Variants in ARMCX4 observed in about 807,000 individuals in gnomAD.
ARMCX4 encodes the protein armadillo repeat-containing X-linked protein 4.
Under a neutral mutation model 34.7 loss-of-function variants are expected in ARMCX4, and 3 were observed. The observed-to-expected ratio is 0.09, with a 90% CI of 0.04 to 0.22. The LOEUF is 0.22. Ranked by LOEUF, ARMCX4 falls within the 10% of genes least tolerant of loss-of-function variation. The pLI is 1.00. For missense variants in ARMCX4, 1,448 were observed against 1,720.8 expected (o/e 0.84, Z 2.81); for synonymous variants, 513 against 632.8 (o/e 0.81, Z 2.84).
At chrX:101,440,418 G>A (rs1274147800) in intron 2 of ARMCX4, among the ~76,000 whole-genome samples, 1 of 111,983 alleles carries the variant, frequency 8.9e-6, no homozygotes, top group Middle Eastern at 4.2e-3. Context: ...TAGGCTACTC[G>A]GGGACCAGGG....
intron 2 of ARMCX4, among the ~76,000 whole-genome samples, chrX:101,423,543 G>C (rs934447785): frequency 1.8e-5 from 2 of 109,335 alleles, no homozygotes; most frequent in Non-Finnish European, 3.8e-5. Context: ...CTTGAACCTG[G>C]GAGGCGGAGG....
At chrX:101,431,228 G>C (rs73561164) in intron 2 of ARMCX4, among the ~76,000 whole-genome samples, 1 of 111,933 alleles carries the variant, frequency 8.9e-6, no homozygotes, top group South Asian at 3.7e-4. Flanking sequence ...CTTCAAAGTG[G>C]AACTCTGCCA....
At chrX:101,448,897 T>TTTTTC (rs1207974444), downstream of ARMCX4, among the ~76,000 whole-genome samples, 2 of 90,610 alleles carry the variant, frequency 2.2e-5, no homozygotes, top group Non-Finnish European at 4.3e-5. Context: ...CCTGGCCGTT[T>TTTTTC]TTTTCTTTTC....
Position 101,494,104 on chromosome X carries a change from G to T in ARMCX4, c.5515G>T (p.Ala1839Ser). The change falls in exon 6 of 6, where the codon GCT (alanine) becomes TCT (serine). Residue 1839 changes from alanine (A) to serine (S), a missense_variant. Transcript: ENST00000423738. ...AEAGAEAGAG[A>S]GAGPGTESGA... ...GGCTGGGGCTGAGGCTGGGGCTGGG[G>T]CTGGGGCTGGGCCTGGGACTGAGTC... 7.1e-6 allele frequency: 7 copies of T among 986,061 alleles called. No individual in the cohort carries two copies. The highest frequency in any genetic ancestry group is 9.3e-6 in the Non-Finnish European group (7 of 750,014). The allele number at this position is 986,061 out of a possible 1,213,427, so 81.3% of individuals were successfully genotyped here.
At chrX:101,524,674 C>T (rs975786128) in intron 11 of ARMCX4, among the ~76,000 whole-genome samples, 8 of 111,613 alleles carry the variant, frequency 7.2e-5, no homozygotes, top group African/African-American at 1.3e-4. Flanking sequence ...GCACCTGGCT[C>T]GGCGGGTCCC....
At chrX:101,481,387 C>T (rs1933443378), upstream of ARMCX4, among the ~76,000 whole-genome samples, 2 of 111,824 alleles carry the variant, frequency 1.8e-5, no homozygotes, top group South Asian at 3.7e-4. Context: ...ATGATTTTGC[C>T]GAACTGTCAG....
chrX:101,468,247 C>A (rs1932827728), intron 4 of ARMCX4, among the ~76,000 whole-genome samples: 1 of 110,480 alleles, frequency 9.1e-6, no homozygotes, highest in African/African-American at 3.3e-5. Flanking sequence ...ATTTTTAGAA[C>A]TTAGAATAGT....
intron 2 of ARMCX4, among the ~76,000 whole-genome samples, chrX:101,420,007 TCAGA>T (rs1158535040): frequency 8.9e-6 from 1 of 112,298 alleles, no homozygotes; most frequent in African/African-American, 3.2e-5. Context: ...GAAGGCACTC[TCAGA>T]CAGTGCTTCT....
intron 11 of ARMCX4, among the ~76,000 whole-genome samples, chrX:101,527,244 A>T (rs187556952): frequency 3.8e-4 from 43 of 112,115 alleles, no homozygotes; most frequent in East Asian, 2.0e-3. Flanking sequence ...TGGGTAAATA[A>T]CGAAATGAAG....
At chrX:101,462,707 C>T (rs1932678505) in intron 4 of ARMCX4, among the ~76,000 whole-genome samples, 1 of 108,728 alleles carries the variant, frequency 9.2e-6, no homozygotes, top group Non-Finnish European at 1.9e-5. Flanking sequence ...AAATTAGATA[C>T]ACATATATTA....
At chrX:101,518,343 T>C (rs1445141168) in intron 11 of ARMCX4, among the ~76,000 whole-genome samples, 1 of 111,821 alleles carries the variant, frequency 8.9e-6, no homozygotes, top group East Asian at 2.8e-4. Context: ...ATATTAAAGG[T>C]CGTATCTTAC....
chrX:101,508,451 T>C (rs1318310539), intron 8 of ARMCX4, among the ~76,000 whole-genome samples: 1 of 111,504 alleles, frequency 9.0e-6, no homozygotes, highest in Non-Finnish European at 1.9e-5. Flanking sequence ...CTTTTCTCTG[T>C]GTGGGCGTGG....
At chrX:101,474,020 GC>G (rs1173549644) in intron 4 of ARMCX4, among the ~76,000 whole-genome samples, 2 of 34,812 alleles carry the variant, frequency 5.7e-5, no homozygotes, top group South Asian at 2.9e-3. Flanking sequence ...GAATCCAGGA[GC>G]TGGTTTTTTG....
chrX:101,461,608 A>G (rs1388646513), intron 4 of ARMCX4, among the ~76,000 whole-genome samples: 1 of 111,320 alleles, frequency 9.0e-6, no homozygotes, highest in African/African-American at 3.3e-5. Flanking sequence ...TGGTAATTCT[A>G]TGCCTAATAT....
chrX:101,451,346 G>T (rs989810720), downstream of ARMCX4, among the ~76,000 whole-genome samples: 1 of 111,323 alleles, frequency 9.0e-6, no homozygotes, highest in South Asian at 3.8e-4. Context: ...CTATAACGGG[G>T]CATCACTGAG....
At chrX:101,467,017 A>G (rs191845425) in intron 4 of ARMCX4, among the ~76,000 whole-genome samples, 82 of 112,734 alleles carry the variant, frequency 7.3e-4, no homozygotes, top group Middle Eastern at 4.6e-3. Context: ...AACAAATGAG[A>G]TAGTAGTGGC....
At position 101,490,456 on chromosome X, in the gene ARMCX4, G is replaced by A. The variant is rs1933927718; in HGVS notation, c.1867G>A (p.Gly623Ser). The change falls in exon 6 of 6, where the codon GGT (glycine) becomes AGT (serine). Residue 623 changes from glycine (G) to serine (S), a missense_variant. This residue lies in a region of ARMCX4 where 1,343 missense variants were observed against 1,540.7 expected (regional missense o/e 0.87). Coordinates refer to ENST00000423738, the MANE Select transcript of ARMCX4 (RefSeq NM_001256155.3). ...HTVLKVGAGEGTTDSAQPEAV... is the reference protein window; with the variant it reads ...HTVLKVGAGESTTDSAQPEAV... ...TGTGCTTAAGGTGGGGGCTGGAGAAGGTACAACAGACTCTGCCCAGCCTGA... is the reference window on the plus strand; with the variant it reads ...TGTGCTTAAGGTGGGGGCTGGAGAAAGTACAACAGACTCTGCCCAGCCTGA... 8 of 1,154,231 alleles carry A rather than the reference G, an allele frequency of 6.9e-6. No individual in the cohort carries two copies. Among genetic ancestry groups the A allele is most frequent in the Non-Finnish European group, 8.0e-6 (7 of 872,323 alleles).
chrX:101,428,951 A>G (rs1555991471), intron 2 of ARMCX4, among the ~76,000 whole-genome samples: 1 of 100,914 alleles, frequency 9.9e-6, no homozygotes, highest in Non-Finnish European at 2.0e-5. Context: ...AGCTCACTGC[A>G]GCCTCAACCT....
At chrX:101,434,743 C>T (rs1930583856) in intron 2 of ARMCX4, among the ~76,000 whole-genome samples, 1 of 107,989 alleles carries the variant, frequency 9.3e-6, no homozygotes, top group Non-Finnish European at 1.9e-5. Flanking sequence ...CCCATTAACT[C>T]ATCATTTAAC....
Sources: allele counts gnomAD v4.1 joint callset (sites outside exome capture counted in the v4.1 genomes callset), GRCh38; gene constraint gnomAD v4.1.1; regional missense constraint gnomAD v4.1.1; transcripts MANE v1.5; gene names NCBI Gene and HGNC (gene_info 2026-07-23, HGNC 2026-07-21).